The following TMX1 variants were observed in gnomAD, a reference collection of about 807,000 sequenced individuals.
TMX1 encodes the protein thioredoxin-related transmembrane protein 1.
TMX1 carries 25 observed loss-of-function variants against 36.6 expected under a neutral mutation model. That is an observed-to-expected ratio of 0.68 (90% CI 0.50 to 0.95). TMX1 has a LOEUF of 0.95. Ranked by LOEUF, TMX1 falls within the 40% of genes least tolerant of loss-of-function variation. The probability of loss-of-function intolerance (pLI) is 0.00; values close to 1 mark genes in which losing one functional copy is unlikely to be tolerated. For synonymous variants in TMX1, 133 were observed against 118.0 expected (o/e 1.13, Z -0.82); for missense variants, 347 against 339.6 (o/e 1.02, Z -0.17).
rs970564092 is a variant in TMX1 at position 51,249,266 on chromosome 14, G to T, written c.444-60G>T. 3 of 1,377,762 alleles carry T rather than the reference G, an allele frequency of 2.2e-6. No individual in the cohort carries two copies. The African/African-American group carries it at 4.4e-5, about 20-fold the overall frequency. The allele number at this position is 1,377,762 out of a possible 1,614,324, so 85.3% of individuals were successfully genotyped here. A position where few individuals can be genotyped will look rare whatever the true frequency, so the allele number is the denominator to read the frequency against. ...TGGGGAAATTATAGAGTAGAAAATA[G>T]TATGTATAGACAAATCTGTGTATGT... On this transcript the variant is annotated intron_variant, in intron 4 of 7. Coordinates refer to ENST00000457354, the MANE Select transcript of TMX1 (RefSeq NM_030755.5).
Position 51,245,945 on chromosome 14 carries a change from C to T in TMX1, c.314+587C>T, listed in dbSNP as rs150635702. 709 of 156,928 alleles carry T rather than the reference C, an allele frequency of 4.5e-3. 2 individuals are homozygous for T. The highest frequency in any genetic ancestry group is 6.0e-3 in the Non-Finnish European group (423 of 70,648). The allele number at this position is 156,928 out of a possible 1,614,324, so 9.7% of individuals were successfully genotyped here. A position where few individuals can be genotyped will look rare whatever the true frequency, so the allele number is the denominator to read the frequency against. On this transcript the variant is annotated intron_variant, in intron 3 of 7. Transcript: ENST00000457354. ...GTCAGGTCTATTAGTTTGACTTTAT[C>T]TTCTAAATTGAGGGTATGAAATCTC...
intron 1 of TMX1, 101 bp downstream of exon 1, chr14:51,240,545 C>G (rs1409276154): frequency 1.2e-5 from 17 of 1,462,704 alleles, no homozygotes; most frequent in African/African-American, 1.4e-5. Context: ...ACTGCGCCTC[C>G]GAGTTGCGGA....
At chr14:51,245,381 T>G in intron 3 of TMX1, 23 bp downstream of exon 3, 3 of 1,613,182 alleles carry the variant, frequency 1.9e-6, no homozygotes, top group Non-Finnish European at 1.7e-6. Flanking sequence ...AGATTCTAAA[T>G]TATGGAGAAG....
In TMX1 at chr14:51,254,870, G is replaced by C. The variant is rs2065831652; in HGVS notation, c.*351G>C. The C allele has an allele frequency of 6.3e-6, 1 of 158,530 alleles. No individual in the cohort carries two copies. The highest frequency in any genetic ancestry group is 2.1e-4 in the South Asian group (1 of 4,878). The allele number at this position is 158,530 out of a possible 1,614,324, so 9.8% of individuals were successfully genotyped here. A position where few individuals can be genotyped will look rare whatever the true frequency, so the allele number is the denominator to read the frequency against. On this transcript the variant is annotated 3_prime_UTR_variant, in exon 8 of 8. Coordinates refer to ENST00000457354, the MANE Select transcript of TMX1 (RefSeq NM_030755.5). ...AGGTATTTAAGAAGATTATTTTAGAGAAAAATATTTCTCATTTGATATAAT... is the reference window on the plus strand; with the variant it reads ...AGGTATTTAAGAAGATTATTTTAGACAAAAATATTTCTCATTTGATATAAT...
At chr14:51,249,410 A>G (rs2065801057) in intron 5 of TMX1, 39 bp downstream of exon 5, 2 of 1,593,012 alleles carry the variant, frequency 1.3e-6, no homozygotes, top group Non-Finnish European at 1.7e-6. Flanking sequence ...CATTTTTACC[A>G]CTATCACTTT....
At chr14:51,245,421 G>A in intron 3 of TMX1, 63 bp downstream of exon 3, 23 of 1,601,598 alleles carry the variant, frequency 1.4e-5, no homozygotes, top group Non-Finnish European at 1.9e-5. Flanking sequence ...AGAAGTAGTA[G>A]GCCTCTGGCT....
chr14:51,245,559 CAA>C, intron 3 of TMX1: 2 of 1,312,412 alleles, frequency 1.5e-6, no homozygotes, highest in Non-Finnish European at 2.1e-6. Flanking sequence ...TCTCTGTTCT[CAA>C]AGATTTACAG....
chr14:51,246,907 C>A (rs2065788143), intron 3 of TMX1, among the ~76,000 whole-genome samples, 185 bp from the exon 4 acceptor site: 1 of 152,010 alleles, frequency 6.6e-6, no homozygotes, highest in South Asian at 2.1e-4. Flanking sequence ...AAAAATGTAA[C>A]CTCATTGTTA....
At position 51,254,848 on chromosome 14, in the gene TMX1, T is replaced by A. The variant is rs2065831541; in HGVS notation, c.*329T>A. 1.2e-5 allele frequency: 2 copies of A among 169,708 alleles called. No individual in the cohort carries two copies. The highest frequency in any genetic ancestry group is 1.3e-5 in the Non-Finnish European group (1 of 79,884). 10.5% of individuals were successfully genotyped at this position (169,708 alleles called of 1,614,324 possible). A position where few individuals can be genotyped will look rare whatever the true frequency, so the allele number is the denominator to read the frequency against. On this transcript the variant is annotated 3_prime_UTR_variant, in exon 8 of 8. Coordinates refer to ENST00000457354, the MANE Select transcript of TMX1 (RefSeq NM_030755.5). ...TTTCCCAAGTATTGCATTATTGAGG[T>A]ATTTAAGAAGATTATTTTAGAGAAA... is the stretch of plus-strand genomic sequence containing the variant.
rs747694905 is a variant in TMX1, at chr14:51,240,300, C to T, written c.8C>T (p.Pro3Leu). Residue 3 changes from proline (P) to leucine (L), a missense_variant, in exon 1 of 8, where the codon CCC (proline) becomes CTC (leucine). Transcript: ENST00000457354. ...AGGTGGGCAAGCGGCGAAATGGCGC[C>T]CTCCGGGAGTCTTGCAGTTCCCCTG... is the stretch of plus-strand genomic sequence containing the variant. MAPSGSLAVPLAV... is the reference protein window; with the variant it reads MALSGSLAVPLAV... 1.1e-5 allele frequency: 18 copies of T among 1,610,916 alleles called. No individual in the cohort carries two copies. The highest frequency in any genetic ancestry group is 5.3e-5 in the African/African-American group (4 of 74,918).
chr14:51,250,267 C>G (rs985557429), intron 7 of TMX1, among the ~76,000 whole-genome samples: 1 of 152,144 alleles, frequency 6.6e-6, no homozygotes, highest in African/African-American at 2.4e-5. Flanking sequence ...TGTAATTGTA[C>G]TGTTAATGGA....
chr14:51,241,052 ACTC>A lies in TMX1; in HGVS notation c.152+612_152+614del, dbSNP rs530832824. ...TCCTCTTTTGCTTTCTCTTTTTTTC[ACTC>A]CTCATCTCATTTTTCCTTTGGGTGT... On this transcript the variant is annotated intron_variant, in intron 1 of 7. Transcript: ENST00000457354. Among the ~76,000 whole-genome samples, 5 of 144,684 alleles carry A rather than the reference ACTC, an allele frequency of 3.5e-5. No individual in the cohort carries two copies. In the South Asian group the frequency reaches 8.8e-4, roughly 26 times the overall value. 94.9% of individuals were successfully genotyped at this position (144,684 alleles called of 152,430 possible). A position where few individuals can be genotyped will look rare whatever the true frequency, so the allele number is the denominator to read the frequency against.
intron 7 of TMX1, chr14:51,253,965 G>GTA (rs1447744229): frequency 6.5e-6 from 1 of 153,892 alleles, no homozygotes; most frequent in Non-Finnish European, 1.4e-5. Context: ...TGGGGGTTGT[G>GTA]TATCACCATT....
intron 1 of TMX1, among the ~76,000 whole-genome samples, chr14:51,242,551 T>G (rs965389441): frequency 3.3e-5 from 5 of 152,108 alleles, no homozygotes; most frequent in African/African-American, 1.2e-4. Flanking sequence ...TAAGTAGAGA[T>G]TCTAAAGTAA....
At position 51,255,393 on chromosome 14, in the gene TMX1, G is replaced by GTTTTTTT. The variant is rs57089405; in HGVS notation, c.*883_*889dup. 3.5e-5 allele frequency: 5 copies of GTTTTTTT among 141,600 alleles called. No homozygotes were observed. Among genetic ancestry groups the GTTTTTTT allele is most frequent in the Non-Finnish European group, 3.1e-5 (2 of 64,828 alleles). The allele number at this position is 141,600 out of a possible 1,614,324, so 8.8% of individuals were successfully genotyped here. A position where few individuals can be genotyped will look rare whatever the true frequency, so the allele number is the denominator to read the frequency against. ...TCTTGCTGAACTTCAACTTGAAATT[G>GTTTTTTT]TTTTTTTTTTTTTTTCTTTTTGGAT... On this transcript the variant is annotated 3_prime_UTR_variant, in exon 8 of 8. Transcript: ENST00000457354.
intron 1 of TMX1, 50 bp downstream of exon 1, chr14:51,240,494 T>G: frequency 6.3e-7 from 1 of 1,586,164 alleles, no homozygotes; most frequent in Non-Finnish European, 8.6e-7. Context: ...ACACACGACT[T>G]CACCCCGCAC....
intron 3 of TMX1, among the ~76,000 whole-genome samples, chr14:51,246,622 C>T (rs1480614415): frequency 1.3e-5 from 2 of 152,182 alleles, no homozygotes; most frequent in East Asian, 1.9e-4. Context: ...AAGCACCATA[C>T]CAGATGCCTC....
chr14:51,252,528 G>A (rs1052605634), intron 7 of TMX1, among the ~76,000 whole-genome samples: 1 of 152,074 alleles, frequency 6.6e-6, no homozygotes, highest in South Asian at 2.1e-4. Flanking sequence ...ATGACACTTA[G>A]GAGATAGGTA....
At chr14:51,252,995 A>T (rs1300693517) in intron 7 of TMX1, among the ~76,000 whole-genome samples, 4 of 152,120 alleles carry the variant, frequency 2.6e-5, no homozygotes, top group African/African-American at 9.7e-5. Context: ...CTTTCCAGTC[A>T]CTAGCATAAG....
Sources: gnomAD v4.1 joint callset for allele counts (sites outside exome capture counted in the v4.1 genomes callset) on GRCh38, gnomAD v4.1.1 for gene constraint, MANE v1.5 for transcripts, NCBI Gene and HGNC (gene_info 2026-07-23, HGNC 2026-07-21) for gene names.